The following MTCL1 variants were observed in gnomAD, a reference collection of about 807,000 sequenced individuals.
MTCL1 encodes the protein microtubule cross-linking factor 1.
A neutral mutation model predicts 141.4 loss-of-function variants in MTCL1; 79 were observed. The observed-to-expected ratio is 0.56, with a 90% CI of 0.47 to 0.67. The LOEUF is 0.67. Among genes scored for constraint, MTCL1 ranks in the 30% least tolerant of loss-of-function variants. MTCL1 has a pLI of 0.00. For synonymous variants in MTCL1, 914 were observed against 875.8 expected (o/e 1.04, Z -0.77); for missense variants, 2,177 against 2,113.9 (o/e 1.03, Z -0.59).
rs1354690218 is a variant in MTCL1, at chr18:8,819,059, A to G, written c.2956A>G (p.Met986Val). ...CTTTCCCCACCAGGGAAGCCTCCGC[A>G]TGCCCCGTCCAGTGGCCATGTGGCC... The change falls in exon 13 of 17, where the codon ATG (methionine) becomes GTG (valine). Residue 986 changes from methionine (M) to valine (V), a missense_variant. Transcript: ENST00000359865. 18 of 1,614,136 alleles carry G rather than the reference A, an allele frequency of 1.1e-5. No individual in the cohort carries two copies. Among genetic ancestry groups the G allele is most frequent in the Non-Finnish European group, 1.4e-5 (17 of 1,180,060 alleles).
At chr18:8,783,964 A>G (rs1368832957) in exon 6 of MTCL1, 2 of 1,613,646 alleles carry the variant, frequency 1.2e-6, no homozygotes, top group Non-Finnish European at 1.7e-6. Context: ...TAGAAGAGGA[A>G]GCGGAGTTGC....
intron 4 of MTCL1, among the ~76,000 whole-genome samples, chr18:8,728,352 A>G (rs973057307): frequency 6.6e-6 from 1 of 151,936 alleles, no homozygotes; most frequent in East Asian, 1.9e-4. Flanking sequence ...CTTGAAATCT[A>G]TTTAGTTGGG....
intron 2 of MTCL1, 131 bp from the exon 2 acceptor site, chr18:8,718,293 C>A: frequency 1.2e-6 from 1 of 833,680 alleles, no homozygotes; most frequent in Non-Finnish European, 1.9e-6. Flanking sequence ...GTCACCCAGG[C>A]GTGGCCATGA....
At chr18:8,829,063 G>A (rs145420274) in intron 16 of MTCL1, 23,631 of 1,594,978 alleles carry the variant, frequency 0.015, 230 homozygotes, top group South Asian at 0.018. Context: ...AGTTCTGCCC[G>A]GTGGCGGTAC....
chr18:8,756,019 C>T (rs748802551), intron 4 of MTCL1, among the ~76,000 whole-genome samples: 4 of 152,170 alleles, frequency 2.6e-5, no homozygotes, highest in Non-Finnish European at 5.9e-5. Context: ...CACCTGTAAT[C>T]CCAGCTACTC....
At chr18:8,793,668 A>C (rs986374294) in intron 8 of MTCL1, among the ~76,000 whole-genome samples, 1 of 152,184 alleles carries the variant, frequency 6.6e-6, no homozygotes, top group African/African-American at 2.4e-5. Context: ...CGCCCTGGAC[A>C]TCCATGAGAA....
intron 14 of MTCL1, among the ~76,000 whole-genome samples, chr18:8,824,430 G>A (rs1453825162): frequency 6.6e-6 from 1 of 152,236 alleles, no homozygotes; most frequent in Non-Finnish European, 1.5e-5. Context: ...CTCCCAAAGT[G>A]TTGGGATTAC....
At chr18:8,773,433 G>A (rs867314169) in intron 4 of MTCL1, among the ~76,000 whole-genome samples, 2 of 152,134 alleles carry the variant, frequency 1.3e-5, no homozygotes, top group Admixed American at 6.5e-5. Flanking sequence ...ATTAAGATGT[G>A]TTTTCTGTTG....
In MTCL1 at chr18:8,806,877, C is replaced by T. The variant is rs560612994; in HGVS notation, c.2437-16C>T. The T allele has an allele frequency of 1.9e-6, 3 of 1,610,730 alleles. No homozygotes were observed. Among genetic ancestry groups the T allele is most frequent in the East Asian group, 4.5e-5 (2 of 44,832 alleles). On this transcript the variant is annotated splice_polypyrimidine_tract_variant and intron_variant, in intron 10 of 16. Transcript: ENST00000359865. ...GCTTAAAGGAGGTGGTGGAGCCTGA[C>T]TCAGTGTTCCCGCAGGTGGTGGAAA... is the stretch of plus-strand genomic sequence containing the variant.
chr18:8,785,147 G>A (rs2096547649), intron 6 of MTCL1, among the ~76,000 whole-genome samples: 2 of 152,072 alleles, frequency 1.3e-5, no homozygotes, highest in South Asian at 2.1e-4. Flanking sequence ...CCCAGTGGAA[G>A]CGATAGGGCT....
chr18:8,828,065 G>A lies in MTCL1; in HGVS notation c.4723-843G>A, dbSNP rs993269668. ...TTCCATTTCTGTTGGAATTTTCCTC[G>A]TTCTAGATTCCAGTGGGATTGTTCT... On this transcript the variant is annotated intron_variant, in intron 15 of 16. Transcript: ENST00000359865. The surrounding 1 kb of genome is among the most constrained non-coding windows in gnomAD (Gnocchi z 5.2). Among the ~76,000 whole-genome samples the A allele has an allele frequency of 1.3e-5, 2 of 152,042 alleles. No homozygotes were observed. The highest frequency in any genetic ancestry group is 4.2e-4 in the South Asian group (2 of 4,812).
At chr18:8,783,952 T>G in exon 6 of MTCL1, 1 of 1,613,648 alleles carries the variant, frequency 6.2e-7, no homozygotes, top group South Asian at 1.1e-5. Flanking sequence ...ACCTGCAGTT[T>G]GTAGAAGAGG....
intron 4 of MTCL1, among the ~76,000 whole-genome samples, chr18:8,776,031 G>A (rs1311340325): frequency 6.6e-6 from 1 of 152,202 alleles, no homozygotes; most frequent in Non-Finnish European, 1.5e-5. Context: ...ATGAACTTAA[G>A]TTCTAACTGC....
In MTCL1 at chr18:8,793,513, G is replaced by T. The variant is rs776540299; in HGVS notation, c.2010+393G>T. Among the ~76,000 whole-genome samples the T allele has an allele frequency of 2.0e-3, 301 of 152,316 alleles. 2 individuals are homozygous for T. The highest frequency in any genetic ancestry group is 2.2e-3 in the Non-Finnish European group (151 of 68,028). ...ATCAGCAACCTCACCCTAAACCATT[G>T]CCTTCGGAAAACTGCCGCAACTTGA... On this transcript the variant is annotated intron_variant, in intron 8 of 16. Transcript: ENST00000359865.
At chr18:8,804,530 G>A (rs550760987) in intron 10 of MTCL1, among the ~76,000 whole-genome samples, 11 of 152,264 alleles carry the variant, frequency 7.2e-5, no homozygotes, top group African/African-American at 1.9e-4. Flanking sequence ...CTATTCAGAT[G>A]GTTGGTAAGA....
intron 14 of MTCL1, among the ~76,000 whole-genome samples, chr18:8,821,770 G>T (rs2076854317): frequency 6.6e-6 from 1 of 152,156 alleles, no homozygotes; most frequent in South Asian, 2.1e-4. Context: ...AGGAATGCTT[G>T]TGTTGAGTGG....
chr18:8,829,002 A>G, intron 16 of MTCL1: 1 of 1,613,796 alleles, frequency 6.2e-7, no homozygotes, highest in Non-Finnish European at 8.5e-7. Context: ...CTGTCTGGAG[A>G]GGTCGTGTTG....
intron 7 of MTCL1, chr18:8,789,456 G>A (rs1293236882): frequency 3.0e-6 from 3 of 985,346 alleles, no homozygotes; most frequent in Non-Finnish European, 3.6e-6. Context: ...GTTTGAGATT[G>A]TGAAGTTATC....
chr18:8,819,116 G>C, exon 13 of MTCL1: 1 of 1,614,248 alleles, frequency 6.2e-7, no homozygotes, highest in Non-Finnish European at 8.5e-7. Context: ...CCCGTTTGAA[G>C]ACCGGCCGCT....
Sources: allele counts gnomAD v4.1 joint callset (sites outside exome capture counted in the v4.1 genomes callset), GRCh38; gene constraint gnomAD v4.1.1; non-coding constraint Gnocchi (gnomAD v3.1); transcripts MANE v1.5; gene names NCBI Gene and HGNC (gene_info 2026-07-23, HGNC 2026-07-21).